TBX4: variants seen among roughly 807,000 people sequenced by gnomAD.
TBX4 encodes the protein T-box transcription factor TBX4.
Under a neutral mutation model 54.6 loss-of-function variants are expected in TBX4, and 13 were observed. That is an observed-to-expected ratio of 0.24 (90% CI 0.15 to 0.38). The LOEUF (loss-of-function observed/expected upper bound fraction) is 0.38. Ranked by LOEUF, TBX4 falls within the 10% of genes least tolerant of loss-of-function variation. The pLI, the probability that TBX4 is intolerant of heterozygous loss-of-function variation, is 1.00. For missense variants in TBX4, 631 were observed against 728.5 expected, an observed-to-expected ratio of 0.87 and a Z score of 1.54; for synonymous variants, 314 against 306.7, an observed-to-expected ratio of 1.02 and a Z score of -0.25.
At chr17:61,453,747 G>T (rs1042898526) in intron 1 of TBX4, among the ~76,000 whole-genome samples, 1 of 152,170 alleles carries the variant, frequency 6.6e-6, no homozygotes, top group Non-Finnish European at 1.5e-5. Flanking sequence ...TACTGTCGGG[G>T]TGTGTTGAAG....
In TBX4 at chr17:61,479,863, T is replaced by C. The variant is rs370841181; in HGVS notation, c.703-18T>C. 42 of 1,612,666 alleles carry C rather than the reference T, an allele frequency of 2.6e-5. No homozygotes were observed. The highest frequency in any genetic ancestry group is 3.5e-5 in the Non-Finnish European group (41 of 1,178,660). On this transcript the variant is annotated intron_variant, in intron 6 of 8. Transcript: ENST00000644296. The surrounding 1 kb of genome is among the most constrained non-coding windows in gnomAD (Gnocchi z 6.1). ...TGTGTGCCTCACACTGGTGACCCTA[T>C]GTGTTTTCTCCCCACAGATCACCCA...
At position 61,483,094 on chromosome 17, in the gene TBX4, G is replaced by C; in HGVS notation, c.1219G>C (p.Gly407Arg). 1 of 1,614,120 alleles carries C rather than the reference G, an allele frequency of 6.2e-7. No individual in the cohort carries two copies. The highest frequency in any genetic ancestry group is 8.5e-7 in the Non-Finnish European group (1 of 1,180,024). Reference sequence around the variant, plus strand: ...AGGGCCCGAGATTGCCGGGGTGTCTGGGGTGGACGACCTGCCCCCACCTCC... The same window carrying C: ...AGGGCCCGAGATTGCCGGGGTGTCTCGGGTGGACGACCTGCCCCCACCTCC... ...GSGPEIAGVSGVDDLPPPPLS... is the reference protein window; with the variant it reads ...GSGPEIAGVSRVDDLPPPPLS... Residue 407 changes from glycine (G) to arginine (R), a missense_variant, in exon 9 of 9, where the codon GGG (glycine) becomes CGG (arginine). By Grantham distance (125) the Gly-to-Arg change is moderately radical. Coordinates refer to ENST00000644296, the MANE Select transcript of TBX4 (RefSeq NM_001321120.2). This position sits in a 1 kb window ranked among gnomAD's most constrained non-coding sequence, Gnocchi z 6.6.
At chr17:61,456,800 A>G in intron 2 of TBX4, 124 bp downstream of exon 2, 1 of 729,102 alleles carries the variant, frequency 1.4e-6, no homozygotes, top group Non-Finnish European at 1.9e-6. Context: ...TGCATTCAGG[A>G]CGGTCTGCCC....
rs2060680303 is a variant in TBX4 at position 61,483,428 on chromosome 17, T to C, written c.1553T>C (p.Leu518Pro). The C allele has an allele frequency of 1.2e-6, 2 of 1,613,998 alleles. No homozygotes were observed. Among genetic ancestry groups the C allele is most frequent in the African/African-American group, 1.3e-5 (1 of 74,922 alleles). ...CATCTAAATGCTGCCAATGAGTTTC[T>C]CTACTCTCAAACCTTCTCCTTGTCC... ...SPHLNAANEF[L>P]YSQTFSLSRE... The change falls in exon 9 of 9, where the codon CTC (leucine) becomes CCC (proline). Residue 518 changes from leucine (L) to proline (P), a missense_variant. Leu to Pro is a moderately conservative substitution (Grantham distance 98). This residue lies in a region of TBX4 where 354 missense variants were observed against 368.9 expected (regional missense o/e 0.96). Transcript: ENST00000644296. This position sits in a 1 kb window ranked among gnomAD's most constrained non-coding sequence, Gnocchi z 6.6.
Position 61,457,537 on chromosome 17 carries a change from A to G in TBX4, c.187A>G (p.Thr63Ala), listed in dbSNP as rs2060461491. The change falls in exon 3 of 9, where the codon ACC becomes GCC. Residue 63 changes from threonine to alanine, a missense_variant and splice_region_variant. Coordinates refer to ENST00000644296, the MANE Select transcript of TBX4 (RefSeq NM_001321120.2). The surrounding 1 kb of genome is among the most constrained non-coding windows in gnomAD (Gnocchi z 8.2). ...DVVAAAAAEQ[T>A]IENIKVGLHE... ...AAGTTTCTCTCCCTCCCATCCCCAGACCATCGAGAACATCAAGGTGGGGCT... is the reference window on the plus strand; with the variant it reads ...AAGTTTCTCTCCCTCCCATCCCCAGGCCATCGAGAACATCAAGGTGGGGCT... The G allele has an allele frequency of 1.9e-6, 3 of 1,613,642 alleles. No homozygotes were observed. The highest frequency in any genetic ancestry group is 2.2e-5 in the East Asian group (1 of 44,828).
chr17:61,458,910 A>G (rs955660370), intron 3 of TBX4, among the ~76,000 whole-genome samples: 1 of 144,120 alleles, frequency 6.9e-6, no homozygotes, highest in African/African-American at 2.4e-5. Context: ...TGCTGTGTGC[A>G]GCGTATGGGG....
rs2060661530 is a variant in TBX4, at chr17:61,481,268, AAAGTTT to A, written c.1021+950_1021+955del. ...TGAGATGTGAGCATTATGTGAAATT[AAAGTTT>A]TAGTGTCCATAAAGTTTTATTGGAA... On this transcript the variant is annotated intron_variant, in intron 8 of 8. Coordinates refer to ENST00000644296, the MANE Select transcript of TBX4 (RefSeq NM_001321120.2). The surrounding 1 kb of genome is among the most constrained non-coding windows in gnomAD (Gnocchi z 4.8). 1 of 152,264 alleles carries A rather than the reference AAAGTTT, an allele frequency of 6.6e-6. No individual in the cohort carries two copies. The highest frequency in any genetic ancestry group is 2.1e-4 in the South Asian group (1 of 4,832). The allele number at this position is 152,264 out of a possible 1,614,324, so 9.4% of individuals were successfully genotyped here. A position where few individuals can be genotyped will look rare whatever the true frequency, so the allele number is the denominator to read the frequency against.
Position 61,483,162 on chromosome 17 carries a change from C to T in TBX4, c.1287C>T (p.Ser429=). Reference sequence around the variant, plus strand: ...GGACTTCAGTGTCGCCGTACACCAGCTATAGCGTGCAGACGATGGAGACTG... The same window carrying T: ...GGACTTCAGTGTCGCCGTACACCAGTTATAGCGTGCAGACGATGGAGACTG... ...NMWTSVSPYT[S]YSVQTMETVP... The change falls in exon 9 of 9, where the codon AGC becomes AGT. Residue 429 remains serine, a synonymous_variant. Coordinates refer to ENST00000644296, the MANE Select transcript of TBX4 (RefSeq NM_001321120.2). The surrounding 1 kb of genome is among the most constrained non-coding windows in gnomAD (Gnocchi z 6.6). 1 of 1,614,140 alleles carries T rather than the reference C, an allele frequency of 6.2e-7. No homozygotes were observed. Among genetic ancestry groups the T allele is most frequent in the South Asian group, 1.1e-5 (1 of 91,080 alleles).
chr17:61,482,376 T>C (rs1005041880), intron 8 of TBX4, among the ~76,000 whole-genome samples: 1 of 152,270 alleles, frequency 6.6e-6, no homozygotes, highest in Admixed American at 6.5e-5. Context: ...GTGAGGTTAG[T>C]TCATCTTCTA....
chr17:61,465,454 G>A lies in TBX4; in HGVS notation c.282-365G>A, dbSNP rs758331814. Reference sequence around the variant, plus strand: ...GGGAAATTAAGGCAGCAAGGTTGGCGTCAGAATCTGCTCCCACAATCCTGA... The same window carrying A: ...GGGAAATTAAGGCAGCAAGGTTGGCATCAGAATCTGCTCCCACAATCCTGA... On this transcript the variant is annotated intron_variant, in intron 3 of 8. Coordinates refer to ENST00000644296, the MANE Select transcript of TBX4 (RefSeq NM_001321120.2). This position sits in a 1 kb window ranked among gnomAD's most constrained non-coding sequence, Gnocchi z 4.9. Among the ~76,000 whole-genome samples, 9 of 152,216 alleles carry A rather than the reference G, an allele frequency of 5.9e-5. No homozygotes were observed. The highest frequency in any genetic ancestry group is 1.4e-4 in the African/African-American group (6 of 41,446).
chr17:61,452,625 T>G (rs954760867), intron 1 of TBX4, 48 bp downstream of exon 1: 1 of 152,346 alleles, frequency 6.6e-6, no homozygotes, highest in African/African-American at 2.4e-5. Context: ...CGTGCGGGGC[T>G]GGGGCCACAG....
At chr17:61,468,692 G>T (rs1344385274) in intron 5 of TBX4, among the ~76,000 whole-genome samples, 1 of 152,222 alleles carries the variant, frequency 6.6e-6, no homozygotes, top group Non-Finnish European at 1.5e-5. Flanking sequence ...CAAGCAGCTA[G>T]GAGAATGTTT....
chr17:61,475,882 G>A lies in TBX4; in HGVS notation c.550-2745G>A, dbSNP rs941812917. ...CTTCATGCCAAGGAGCTGGCACATC[G>A]GGGAACTCATGGGAGATCATCTCTG... On this transcript the variant is annotated intron_variant, in intron 5 of 8. Transcript: ENST00000644296. The surrounding 1 kb of genome is among the most constrained non-coding windows in gnomAD (Gnocchi z 5.0). Among the ~76,000 whole-genome samples, 3 of 152,120 alleles carry A rather than the reference G, an allele frequency of 2.0e-5. No individual in the cohort carries two copies. The highest frequency in any genetic ancestry group is 1.3e-4 in the Admixed American group (2 of 15,268).
In TBX4 at chr17:61,478,951, G is replaced by A. The variant is rs1228165249; in HGVS notation, c.702+172G>A. Among the ~76,000 whole-genome samples, 1 of 152,208 alleles carries A rather than the reference G, an allele frequency of 6.6e-6. No homozygotes were observed. The highest frequency in any genetic ancestry group is 2.4e-5 in the African/African-American group (1 of 41,458). On this transcript the variant is annotated intron_variant, in intron 6 of 8. Coordinates refer to ENST00000644296, the MANE Select transcript of TBX4 (RefSeq NM_001321120.2). This position sits in a 1 kb window ranked among gnomAD's most constrained non-coding sequence, Gnocchi z 7.4. ...CGGAGCCGCGAGCAAATCGAATGATGAACAGAAAAGGACCCTAGATATGTC... is the reference window on the plus strand; with the variant it reads ...CGGAGCCGCGAGCAAATCGAATGATAAACAGAAAAGGACCCTAGATATGTC...
intron 5 of TBX4, among the ~76,000 whole-genome samples, chr17:61,471,995 G>A (rs1273751377): frequency 1.3e-5 from 2 of 149,390 alleles, no homozygotes; most frequent in South Asian, 2.1e-4. Context: ...CACCTGCCTC[G>A]GCCTCCCAAA....
intron 5 of TBX4, among the ~76,000 whole-genome samples, chr17:61,477,668 C>T (rs765909849): frequency 3.4e-4 from 51 of 152,156 alleles, no homozygotes; most frequent in Non-Finnish European, 2.6e-4. Flanking sequence ...AGGCTAGGTG[C>T]GGAGGCTCAC....
Position 61,459,575 on chromosome 17 carries a change from T to C in TBX4, c.281+1944T>C, listed in dbSNP as rs955487726. 7.9e-5 allele frequency among the ~76,000 whole-genome samples: 12 copies of C among 152,332 alleles called. No homozygotes were observed. The highest frequency in any genetic ancestry group is 2.6e-4 in the Admixed American group (4 of 15,296). On this transcript the variant is annotated intron_variant, in intron 3 of 8. Coordinates refer to ENST00000644296, the MANE Select transcript of TBX4 (RefSeq NM_001321120.2). This position sits in a 1 kb window ranked among gnomAD's most constrained non-coding sequence, Gnocchi z 4.8. ...TTTGTTTGTTTGTTTTCCTCAGTAG[T>C]GTTTCCTGCATCTGCATGGGTCCTC...
chr17:61,479,121 T>C lies in TBX4; in HGVS notation c.702+342T>C, dbSNP rs1356742270. ...ACAATGTTCTTTCTCCTGGTTCATCTCCTGGTGCCTTCAGAGACAGGGGTA... is the reference window on the plus strand; with the variant it reads ...ACAATGTTCTTTCTCCTGGTTCATCCCCTGGTGCCTTCAGAGACAGGGGTA... On this transcript the variant is annotated intron_variant, in intron 6 of 8. Transcript: ENST00000644296. The surrounding 1 kb of genome is among the most constrained non-coding windows in gnomAD (Gnocchi z 6.1). Among the ~76,000 whole-genome samples, 1 of 152,170 alleles carries C rather than the reference T, an allele frequency of 6.6e-6. No homozygotes were observed. Among genetic ancestry groups the C allele is most frequent in the Non-Finnish European group, 1.5e-5 (1 of 68,016 alleles).
In TBX4 at chr17:61,474,814, T is replaced by C. The variant is rs1381441874; in HGVS notation, c.550-3813T>C. Among the ~76,000 whole-genome samples the C allele has an allele frequency of 6.6e-6, 1 of 152,172 alleles. No homozygotes were observed. The highest frequency in any genetic ancestry group is 2.4e-5 in the African/African-American group (1 of 41,436). On this transcript the variant is annotated intron_variant, in intron 5 of 8. Transcript: ENST00000644296. This position sits in a 1 kb window ranked among gnomAD's most constrained non-coding sequence, Gnocchi z 4.6. ...TTCCGAGCAAAGCCAGGTGTGTGAG[T>C]CACTGAGTTGGTTTCACATTCTCCC...
Sources: allele counts gnomAD v4.1 joint callset (sites outside exome capture counted in the v4.1 genomes callset), GRCh38; gene constraint gnomAD v4.1.1; regional missense constraint gnomAD v4.1.1; non-coding constraint Gnocchi (gnomAD v3.1); transcripts MANE v1.5; gene names NCBI Gene and HGNC (gene_info 2026-07-23, HGNC 2026-07-21).